The following BTBD9 variants were observed in gnomAD, a reference collection of about 807,000 sequenced individuals.
The protein encoded by BTBD9 is BTB domain containing 9.
A neutral mutation model predicts 64.3 loss-of-function variants in BTBD9; 49 were observed. The observed-to-expected ratio is 0.76, with a 90% confidence interval of 0.61 to 0.97. The LOEUF (loss-of-function observed/expected upper bound fraction) is 0.97. Ranked by LOEUF, BTBD9 falls within the 50% of genes least tolerant of loss-of-function variation. BTBD9 has a pLI of 0.00. For missense variants in BTBD9, 598 were observed against 762.1 expected (o/e 0.78, Z 2.53); for synonymous variants, 260 against 274.7 (o/e 0.95, Z 0.53).
Position 38,547,998 on chromosome 6 carries a change from TAAAAAG to T in BTBD9, c.1154+29596_1154+29601del, listed in dbSNP as rs550399709. On this transcript the variant is annotated intron_variant, in intron 6 of 10. Coordinates refer to ENST00000481247, the MANE Select transcript of BTBD9 (RefSeq NM_001099272.2). Reference sequence around the variant, plus strand: ...AAAATTTTGCTAGGTTCTAAGGAGTTAAAAAGAAAAACATTCCCACCCACACAGCAA... The same window carrying T: ...AAAATTTTGCTAGGTTCTAAGGAGTTAAAAACATTCCCACCCACACAGCAA... Among the ~76,000 whole-genome samples, 49 of 152,318 alleles carry T rather than the reference TAAAAAG, an allele frequency of 3.2e-4. No individual in the cohort carries two copies. The Middle Eastern group carries it at 0.01, about 32-fold the overall frequency.
rs143283026 is a variant in BTBD9 at position 38,532,097 on chromosome 6, C to T, written c.1154+45503G>A. Among the ~76,000 whole-genome samples the T allele has an allele frequency of 3.8e-3, 579 of 152,286 alleles. 3 individuals are homozygous for T. The highest frequency in any genetic ancestry group is 0.012 in the African/African-American group (506 of 41,548). On this transcript the variant is annotated intron_variant, in intron 6 of 10. Coordinates refer to ENST00000481247, the MANE Select transcript of BTBD9 (RefSeq NM_001099272.2). The stretch of plus-strand genomic sequence containing the variant: ...CCCCTCCCCATCCTGTGGCAGTGGC[C>T]ACATGATACAGAGAAGGAATCTGTG...
intron 9 of BTBD9, among the ~76,000 whole-genome samples, chr6:38,219,794 C>T (rs1247343481): frequency 1.3e-5 from 2 of 152,168 alleles, no homozygotes; most frequent in Non-Finnish European, 1.5e-5. Flanking sequence ...ACATGATGAC[C>T]TAAAATACAT....
chr6:38,468,588 T>G (rs560271333), intron 6 of BTBD9, among the ~76,000 whole-genome samples: 1 of 152,290 alleles, frequency 6.6e-6, no homozygotes, highest in Non-Finnish European at 1.5e-5. Context: ...ACATACTGCT[T>G]TATTATTTTG....
intron 9 of BTBD9, among the ~76,000 whole-genome samples, chr6:38,209,899 A>G (rs1762772062): frequency 6.6e-6 from 1 of 152,144 alleles, no homozygotes; most frequent in South Asian, 2.1e-4. Flanking sequence ...ACGTAAGCCA[A>G]TCTTGAGTTT....
Position 38,175,019 on chromosome 6 carries a change from G to C in BTBD9, c.1805C>G (p.Ser602Cys), listed in dbSNP as rs763877928. The C allele has an allele frequency of 3.7e-6, 6 of 1,614,092 alleles. No homozygotes were observed. In the East Asian group the frequency reaches 1.3e-4, roughly 36 times the overall value. The change falls in exon 11 of 11, where the codon TCC becomes TGC. Residue 602 changes from serine (S) to cysteine (C), a missense_variant. Coordinates refer to ENST00000481247, the MANE Select transcript of BTBD9 (RefSeq NM_001099272.2). ...CTGCCGGTTGGGGGAGCGTGAGTTGGAGCCTGGGCTGGAGGGTAGTGAGCT... is the reference window on the plus strand; with the variant it reads ...CTGCCGGTTGGGGGAGCGTGAGTTGCAGCCTGGGCTGGAGGGTAGTGAGCT... The part of the protein sequence containing the change: ...SGSSLPSSPG[S>C]NSRSPNRQHQ
At chr6:38,360,857 G>A (rs886543405) in intron 6 of BTBD9, among the ~76,000 whole-genome samples, 17 of 152,214 alleles carry the variant, frequency 1.1e-4, no homozygotes, top group Non-Finnish European at 2.1e-4. Flanking sequence ...AGAGTCAAAA[G>A]AGGGATTTGT....
At position 38,239,400 on chromosome 6, in the gene BTBD9, A is replaced by G. The variant is rs1378416558; in HGVS notation, c.1562+17009T>C. 3.4e-5 allele frequency among the ~76,000 whole-genome samples: 5 copies of G among 148,396 alleles called. No individual in the cohort carries two copies. The East Asian group carries it at 9.9e-4, about 29-fold the overall frequency. Reference sequence around the variant, plus strand: ...GGTTGCAGTGAGCCAAGATCGTGCCACTGCATTGTAGCCTGGCGACAGAGC... The same window carrying G: ...GGTTGCAGTGAGCCAAGATCGTGCCGCTGCATTGTAGCCTGGCGACAGAGC... On this transcript the variant is annotated intron_variant, in intron 9 of 10. Coordinates refer to ENST00000481247, the MANE Select transcript of BTBD9 (RefSeq NM_001099272.2).
chr6:38,444,457 A>G (rs1369038223), intron 6 of BTBD9, among the ~76,000 whole-genome samples: 7 of 152,214 alleles, frequency 4.6e-5, no homozygotes, highest in Non-Finnish European at 8.8e-5. Flanking sequence ...CTTATAGCAT[A>G]TAGAATAATT....
chr6:38,500,128 G>A (rs1480689717), intron 6 of BTBD9, among the ~76,000 whole-genome samples: 2 of 151,458 alleles, frequency 1.3e-5, no homozygotes, highest in African/African-American at 4.9e-5. Context: ...AAAATAGAAA[G>A]GTGTCAAAGA....
intron 6 of BTBD9, among the ~76,000 whole-genome samples, chr6:38,577,374 T>G (rs1442112426): frequency 1.3e-5 from 2 of 152,242 alleles, no homozygotes; most frequent in Admixed American, 6.5e-5. Flanking sequence ...ACATGTGTAC[T>G]ACATACATAT....
chr6:38,219,530 G>A (rs935042963), intron 9 of BTBD9, among the ~76,000 whole-genome samples: 7 of 152,004 alleles, frequency 4.6e-5, no homozygotes, highest in African/African-American at 1.7e-4. Context: ...CTGAGTCTCT[G>A]ACTTAAAACT....
intron 6 of BTBD9, among the ~76,000 whole-genome samples, chr6:38,485,280 C>T (rs1413136766): frequency 6.6e-6 from 1 of 152,202 alleles, no homozygotes; most frequent in Non-Finnish European, 1.5e-5. Flanking sequence ...CCACCTCTCA[C>T]GAATCACAAA....
At chr6:38,281,272 C>T (rs1442698984) in intron 8 of BTBD9, among the ~76,000 whole-genome samples, 1 of 152,012 alleles carries the variant, frequency 6.6e-6, no homozygotes, top group Non-Finnish European at 1.5e-5. Flanking sequence ...AAATAGCAGT[C>T]TAAAGGAGGT....
At chr6:38,577,313 T>C (rs896789674) in intron 6 of BTBD9, among the ~76,000 whole-genome samples, 1 of 152,094 alleles carries the variant, frequency 6.6e-6, no homozygotes, top group Non-Finnish European at 1.5e-5. Flanking sequence ...TAGCACGGAG[T>C]TTAAAAAGCA....
chr6:38,623,059 C>T (rs34470929), intron 1 of BTBD9, among the ~76,000 whole-genome samples: 12,296 of 152,186 alleles, frequency 0.081, 644 homozygotes, highest in Middle Eastern at 0.18. Flanking sequence ...AGCCACTCAC[C>T]GGGGCTACCT....
intron 1 of BTBD9, among the ~76,000 whole-genome samples, chr6:38,600,453 C>T (rs892283595): frequency 6.6e-6 from 1 of 151,974 alleles, no homozygotes; most frequent in Non-Finnish European, 1.5e-5. Context: ...GCTGGGTTAC[C>T]CAGTTGATGT....
chr6:38,378,116 G>A (rs1765769688), intron 6 of BTBD9, among the ~76,000 whole-genome samples: 1 of 152,202 alleles, frequency 6.6e-6, no homozygotes, highest in East Asian at 1.9e-4. Context: ...GACTCTCGGG[G>A]AACCCTCCCC....
intron 6 of BTBD9, among the ~76,000 whole-genome samples, chr6:38,418,285 G>C (rs1266700472): frequency 1.3e-5 from 2 of 152,138 alleles, no homozygotes; most frequent in Non-Finnish European, 2.9e-5. Context: ...ATGTGTTAAG[G>C]CTCAGATGCA....
intron 6 of BTBD9, among the ~76,000 whole-genome samples, chr6:38,374,292 T>TATATATATATATATATATATATATAC (rs1217899727): frequency 1.3e-5 from 1 of 77,510 alleles, no homozygotes; most frequent in Non-Finnish European, 2.2e-5. Context: ...AGTATATATA[T>TATATATATATATATATATATATATAC]ATATGTATAT....
Sources: allele counts gnomAD v4.1 joint callset (sites outside exome capture counted in the v4.1 genomes callset), GRCh38; gene constraint gnomAD v4.1.1; transcripts MANE v1.5; gene names NCBI Gene and HGNC (gene_info 2026-07-23, HGNC 2026-07-21).